Variants in BRD4 observed in about 807,000 individuals in gnomAD.
BRD4 encodes the protein bromodomain-containing protein 4.
Under a neutral mutation model 142.1 loss-of-function variants are expected in BRD4, and 16 were observed. The ratio of observed to expected loss-of-function variants is 0.11; its 90% CI spans 0.08 to 0.17. The LOEUF is 0.17. Ranked by LOEUF, BRD4 falls within the 10% of genes least tolerant of loss-of-function variation. BRD4 has a pLI of 1.00. For synonymous variants in BRD4, 833 were observed against 707.5 expected, an observed-to-expected ratio of 1.18 and a Z score of -2.82; for missense variants, 1,424 against 1,810.9, an observed-to-expected ratio of 0.79 and a Z score of 3.88.
intron 4 of BRD4, 72 bp downstream of exon 4, chr19:15,267,344 C>T (rs2145609035): frequency 6.4e-7 from 1 of 1,563,588 alleles, no homozygotes; most frequent in Non-Finnish European, 8.7e-7. Flanking sequence ...CCACTCCCAG[C>T]CCCCCACCAA....
intron 1 of BRD4, among the ~76,000 whole-genome samples, chr19:15,325,321 A>T (rs2048098048): frequency 6.6e-6 from 1 of 152,204 alleles, no homozygotes; most frequent in African/African-American, 2.4e-5. Context: ...GCAAGGCAGC[A>T]AAAATGAGAT....
Position 15,289,801 on chromosome 19 carries a change from C to A in BRD4, c.-34-16668G>T, listed in dbSNP as rs573556942. Reference sequence around the variant, plus strand: ...TGGGAGAAGTGTGCTTGTAAGGACACTGGAGCCCCCCAGCCTCTGGGTTCT... The same window carrying A: ...TGGGAGAAGTGTGCTTGTAAGGACAATGGAGCCCCCCAGCCTCTGGGTTCT... On this transcript the variant is annotated intron_variant, in intron 1 of 19. Coordinates refer to ENST00000679869, the MANE Select transcript of BRD4 (RefSeq NM_001379291.1). 3.3e-5 allele frequency among the ~76,000 whole-genome samples: 5 copies of A among 152,270 alleles called. No individual in the cohort carries two copies. The East Asian group carries it at 9.6e-4, about 29-fold the overall frequency.
Position 15,238,866 on chromosome 19 carries a change from C to G in BRD4, c.3897G>C (p.Gln1299His). The G allele has an allele frequency of 1.9e-6, 3 of 1,600,374 alleles. No homozygotes were observed. Among genetic ancestry groups the G allele is most frequent in the Middle Eastern group, 3.5e-4 (2 of 5,692 alleles). The change falls in exon 19 of 20, where the codon CAG (glutamine) becomes CAC (histidine). Residue 1299 changes from glutamine (Q) to histidine (H), a missense_variant. This residue lies in a region of BRD4 where 109 missense variants were observed against 117.9 expected (regional missense o/e 0.92). Transcript: ENST00000679869. The surrounding 1 kb of genome is among the most constrained non-coding windows in gnomAD (Gnocchi z 7.2). Reference sequence around the variant, plus strand: ...CGGCGGCAGCCACCGCAGCTGCTTGCTGTTGCTGCTGCTGCTGTTGCTCCT... The same window carrying G: ...CGGCGGCAGCCACCGCAGCTGCTTGGTGTTGCTGCTGCTGCTGTTGCTCCT... Reference protein sequence around the residue: ...QRQEQQQQQQQQAAAVAAAAT... With the variant: ...QRQEQQQQQQHQAAAVAAAAT...
At chr19:15,302,924 C>T (rs1158721450) in intron 1 of BRD4, among the ~76,000 whole-genome samples, 2 of 148,454 alleles carry the variant, frequency 1.3e-5, no homozygotes, top group East Asian at 4.0e-4. Flanking sequence ...AGGAGAATGG[C>T]GTGAACCCGG....
chr19:15,308,859 C>G (rs1199790631), intron 1 of BRD4, among the ~76,000 whole-genome samples: 1 of 150,394 alleles, frequency 6.6e-6, no homozygotes, highest in Non-Finnish European at 1.5e-5. Context: ...ACTAAAAATA[C>G]AAAAAATTAG....
At chr19:15,280,589 G>A (rs2047696188) in intron 1 of BRD4, 1 of 329,540 alleles carries the variant, frequency 3.0e-6, no homozygotes, top group Admixed American at 6.4e-5. Flanking sequence ...TGGGGGCAAG[G>A]GGAAGGGACA....
At chr19:15,278,276 T>A (rs912304357) in intron 1 of BRD4, among the ~76,000 whole-genome samples, 1 of 152,086 alleles carries the variant, frequency 6.6e-6, no homozygotes, top group African/African-American at 2.4e-5. Flanking sequence ...GGGCCACACC[T>A]GTAATCCCAG....
chr19:15,250,874 G>A lies in BRD4; in HGVS notation c.2158+3278C>T, dbSNP rs954398732. ...CCACAGTACTGTCCACAGCCCACCT[G>A]GGACAGTGTCTTCCTCCAGCCTGCT... On this transcript the variant is annotated intron_variant, in intron 11 of 19. Coordinates refer to ENST00000679869, the MANE Select transcript of BRD4 (RefSeq NM_001379291.1). Among the ~76,000 whole-genome samples the A allele has an allele frequency of 8.5e-5, 13 of 152,264 alleles. No homozygotes were observed. The East Asian group carries it at 2.5e-3, about 29-fold the overall frequency.
intron 2 of BRD4, among the ~76,000 whole-genome samples, chr19:15,269,426 G>A (rs1377266811): frequency 1.3e-5 from 2 of 152,184 alleles, no homozygotes; most frequent in Non-Finnish European, 2.9e-5. Context: ...GACAACCCAT[G>A]GCAGGTCCTA....
At chr19:15,328,929 A>G (rs1003024020) in intron 1 of BRD4, among the ~76,000 whole-genome samples, 9 of 152,062 alleles carry the variant, frequency 5.9e-5, no homozygotes, top group African/African-American at 2.2e-4. Context: ...ATGCGCCACT[A>G]TGCCCGGCTA....
In BRD4 at chr19:15,265,835, C is replaced by T. The variant is rs938941272; in HGVS notation, c.560-192G>A. Among the ~76,000 whole-genome samples, 23 of 152,256 alleles carry T rather than the reference C, an allele frequency of 1.5e-4. No homozygotes were observed. In the East Asian group the frequency reaches 4.3e-3, roughly 28 times the overall value. On this transcript the variant is annotated intron_variant, in intron 4 of 19. Transcript: ENST00000679869. ...TGGGGCTCAAAGAACAGCAGAAAAC[C>T]GCACTTCCCATTTCCTAGGGCGTCC...
intron 1 of BRD4, among the ~76,000 whole-genome samples, chr19:15,292,455 G>A (rs2047789025): frequency 6.6e-6 from 1 of 152,186 alleles, no homozygotes; most frequent in African/African-American, 2.4e-5. Context: ...GGCATCGTGA[G>A]CAAATGAGAA....
Position 15,243,246 on chromosome 19 carries a change from A to AG in BRD4, c.2822dup (p.Thr942TyrfsTer151). 1 of 1,324,966 alleles carries AG rather than the reference A, an allele frequency of 7.5e-7. No individual in the cohort carries two copies. 82.1% of individuals were successfully genotyped at this position (1,324,966 alleles called of 1,614,324 possible). A position where few individuals can be genotyped will look rare whatever the true frequency, so the allele number is the denominator to read the frequency against. ...CCTTCACGGAAGGGAGTAGCGGCGT[A>AG]GGGGGCTGCACCTTCTGCAGCTGCT... is the stretch of plus-strand genomic sequence containing the variant. On this transcript the variant is annotated frameshift_variant, in exon 14 of 20. Coordinates refer to ENST00000679869, the MANE Select transcript of BRD4 (RefSeq NM_001379291.1). LOFTEE classifies it high-confidence loss of function.
chr19:15,236,097 C>T lies in BRD4; in HGVS notation c.*2280G>A, dbSNP rs1357886998. ...GACCTCTGGCTGGATGCCTGAACCACACCCTCACAGGGAGGTTTGGCAGAT... is the reference window on the plus strand; with the variant it reads ...GACCTCTGGCTGGATGCCTGAACCATACCCTCACAGGGAGGTTTGGCAGAT... On this transcript the variant is annotated 3_prime_UTR_variant, in exon 20 of 20. Coordinates refer to ENST00000679869, the MANE Select transcript of BRD4 (RefSeq NM_001379291.1). 1 of 152,214 alleles carries T rather than the reference C, an allele frequency of 6.6e-6. No homozygotes were observed. Among genetic ancestry groups the T allele is most frequent in the African/African-American group, 2.4e-5 (1 of 41,444 alleles). 9.4% of individuals were successfully genotyped at this position (152,214 alleles called of 1,614,324 possible). A position where few individuals can be genotyped will look rare whatever the true frequency, so the allele number is the denominator to read the frequency against.
chr19:15,299,302 G>A (rs2145684034), intron 1 of BRD4, among the ~76,000 whole-genome samples: 1 of 152,292 alleles, frequency 6.6e-6, no homozygotes, highest in South Asian at 2.1e-4. Flanking sequence ...GGTTGCTGGA[G>A]AGTTCTGTAA....
chr19:15,265,133 G>A (rs1275631121), intron 5 of BRD4, among the ~76,000 whole-genome samples: 1 of 152,204 alleles, frequency 6.6e-6, no homozygotes, highest in Non-Finnish European at 1.5e-5. Flanking sequence ...CTAAATAAAA[G>A]AGGTGCAGGG....
At chr19:15,321,750 A>T (rs1033585560) in intron 1 of BRD4, among the ~76,000 whole-genome samples, 1 of 152,184 alleles carries the variant, frequency 6.6e-6, no homozygotes, top group African/African-American at 2.4e-5. Context: ...GGAGAATAAC[A>T]TCTGAGAATA....
At chr19:15,320,261 G>A (rs1400285540) in intron 1 of BRD4, among the ~76,000 whole-genome samples, 1 of 152,096 alleles carries the variant, frequency 6.6e-6, no homozygotes, top group East Asian at 1.9e-4. Context: ...TATTACAGTA[G>A]AACTTAACAC....
intron 1 of BRD4, among the ~76,000 whole-genome samples, chr19:15,284,394 T>C (rs966561769): frequency 6.6e-6 from 1 of 152,174 alleles, no homozygotes; most frequent in African/African-American, 2.4e-5. Context: ...AACTGAAGAC[T>C]GACCCAAGAC....
Sources: gnomAD v4.1 joint callset for allele counts (sites outside exome capture counted in the v4.1 genomes callset) on GRCh38, gnomAD v4.1.1 for gene constraint, gnomAD v4.1.1 regional missense constraint, Gnocchi (gnomAD v3.1) non-coding constraint, MANE v1.5 for transcripts, NCBI Gene and HGNC (gene_info 2026-07-23, HGNC 2026-07-21) for gene names.